Variants in RNF150 observed in about 807,000 individuals in gnomAD.
The protein encoded by RNF150 is ring finger protein 150.
In RNF150, 24 loss-of-function variants were observed where a neutral mutation model predicts 39.3. The ratio of observed to expected loss-of-function variants is 0.61; its 90% CI spans 0.44 to 0.86. The LOEUF is 0.86. Ranked by LOEUF, RNF150 falls within the 40% of genes least tolerant of loss-of-function variation. The pLI is 0.00. For synonymous variants in RNF150, 255 were observed against 227.3 expected (o/e 1.12, Z -1.10); for missense variants, 502 against 587.8 (o/e 0.85, Z 1.51).
chr4:140,949,204 C>T (rs1319281282), intron 3 of RNF150, 97 bp downstream of exon 3: 12 of 820,440 alleles, frequency 1.5e-5, no homozygotes, highest in Admixed American at 7.0e-5. Flanking sequence ...CATATATTTC[C>T]CTTTCCCATC....
At chr4:140,882,036 T>G (rs1453640888) in intron 6 of RNF150, among the ~76,000 whole-genome samples, 1 of 152,162 alleles carries the variant, frequency 6.6e-6, no homozygotes, top group Non-Finnish European at 1.5e-5. Context: ...ATTTTTATTT[T>G]TGAGATGGAG....
At chr4:140,981,616 T>A (rs1733862425) in intron 1 of RNF150, among the ~76,000 whole-genome samples, 3 of 152,088 alleles carry the variant, frequency 2.0e-5, no homozygotes, top group Admixed American at 6.6e-5. Context: ...AAATAATGTG[T>A]TTGGGGTAAC....
chr4:141,000,174 C>T (rs1734616124), intron 1 of RNF150, among the ~76,000 whole-genome samples: 1 of 151,882 alleles, frequency 6.6e-6, no homozygotes, highest in South Asian at 2.1e-4. Flanking sequence ...AAAGAAAGAG[C>T]TTTATCAGTT....
intron 1 of RNF150, among the ~76,000 whole-genome samples, chr4:141,116,757 T>C (rs866676725): frequency 6.6e-6 from 1 of 152,168 alleles, no homozygotes; most frequent in Non-Finnish European, 1.5e-5. Flanking sequence ...CTATCAATGA[T>C]AGACTGGATA....
At chr4:140,916,592 A>G (rs1730841227) in intron 5 of RNF150, among the ~76,000 whole-genome samples, 1 of 152,228 alleles carries the variant, frequency 6.6e-6, no homozygotes, top group African/African-American at 2.4e-5. Context: ...TGACGGGGAG[A>G]ATGGAATCAA....
chr4:141,100,146 C>A (rs1311642654), intron 1 of RNF150, among the ~76,000 whole-genome samples: 1 of 152,168 alleles, frequency 6.6e-6, no homozygotes, highest in African/African-American at 2.4e-5. Context: ...ACTAGGAGTT[C>A]CCACTTGATA....
At chr4:140,895,296 C>A (rs1339168333) in intron 6 of RNF150, among the ~76,000 whole-genome samples, 4 of 152,080 alleles carry the variant, frequency 2.6e-5, no homozygotes, top group Admixed American at 1.3e-4. Context: ...CAGGGTTTCT[C>A]TAAGGGGAAG....
chr4:141,174,878 C>T (rs1284721758), intron 1 of RNF150, among the ~76,000 whole-genome samples: 2 of 137,438 alleles, frequency 1.5e-5, no homozygotes, highest in East Asian at 4.0e-4. Flanking sequence ...ACCTGGAATC[C>T]TGTATCAGGA....
At chr4:140,997,690 GTGTGTGTATATATA>G (rs1734428148) in intron 1 of RNF150, among the ~76,000 whole-genome samples, 2 of 139,670 alleles carry the variant, frequency 1.4e-5, no homozygotes, top group African/African-American at 2.7e-5. Flanking sequence ...ACTCCAGCCT[GTGTGTGTATATATA>G]CACACACATA....
intron 6 of RNF150, among the ~76,000 whole-genome samples, chr4:140,877,957 T>G (rs1439158476): frequency 6.6e-6 from 1 of 152,152 alleles, no homozygotes; most frequent in Admixed American, 6.5e-5. Context: ...TGGTTTGACT[T>G]GCCTGTGGCT....
intron 6 of RNF150, among the ~76,000 whole-genome samples, chr4:140,894,815 T>G (rs552229800): frequency 1.3e-5 from 2 of 152,332 alleles, no homozygotes; most frequent in South Asian, 4.1e-4. Context: ...CCTGAGACTA[T>G]GTCGGCAGTT....
intron 1 of RNF150, among the ~76,000 whole-genome samples, chr4:140,991,419 C>T (rs1579033054): frequency 6.6e-6 from 1 of 151,918 alleles, no homozygotes; most frequent in Non-Finnish European, 1.5e-5. Flanking sequence ...GAAATCTTTG[C>T]CTGTGCCTAT....
chr4:141,045,253 C>A (rs1357505756), intron 1 of RNF150, among the ~76,000 whole-genome samples: 1 of 152,184 alleles, frequency 6.6e-6, no homozygotes, highest in Non-Finnish European at 1.5e-5. Context: ...TCATGCCAAC[C>A]CCTTCACTCT....
In RNF150 at chr4:140,935,422, T is replaced by C. The variant is rs148966934; in HGVS notation, c.891-9349A>G. On this transcript the variant is annotated intron_variant, in intron 4 of 6. Coordinates refer to ENST00000515673, the MANE Select transcript of RNF150 (RefSeq NM_020724.2). ...GGGCAGCAAAGCTAGTTGGCATTCA[T>C]CCCGTGTGTCTACTTGATTAATATA... is the stretch of plus-strand genomic sequence containing the variant. 2.1e-3 allele frequency among the ~76,000 whole-genome samples: 312 copies of C among 152,122 alleles called. 1 individual carries two copies. The highest frequency in any genetic ancestry group is 7.2e-3 in the African/African-American group (297 of 41,500).
intron 1 of RNF150, among the ~76,000 whole-genome samples, chr4:141,087,533 C>T (rs1738413542): frequency 6.6e-6 from 1 of 152,012 alleles, no homozygotes; most frequent in Non-Finnish European, 1.5e-5. Context: ...TCTCTTTTTC[C>T]CCCATTTCTT....
At chr4:140,908,561 C>T (rs1730478108) in intron 6 of RNF150, among the ~76,000 whole-genome samples, 2 of 152,198 alleles carry the variant, frequency 1.3e-5, no homozygotes, top group South Asian at 2.1e-4. Flanking sequence ...TTCTTTTCTT[C>T]TGTTATGAAC....
chr4:141,200,304 C>G (rs1007703080), intron 1 of RNF150, among the ~76,000 whole-genome samples: 2 of 149,310 alleles, frequency 1.3e-5, no homozygotes, highest in African/African-American at 4.9e-5. Flanking sequence ...GGCACTAATC[C>G]CATTGATGAG....
intron 1 of RNF150, among the ~76,000 whole-genome samples, chr4:141,092,465 G>C (rs116145727): frequency 6.6e-6 from 1 of 151,924 alleles, no homozygotes. Context: ...AAATCCTTTG[G>C]TATTAGGTAC....
chr4:141,062,976 C>T (rs1737298239), intron 1 of RNF150, among the ~76,000 whole-genome samples: 1 of 152,114 alleles, frequency 6.6e-6, no homozygotes, highest in Admixed American at 6.5e-5. Flanking sequence ...TGATGGCATC[C>T]ATGTTGATGC....
Sources: allele counts gnomAD v4.1 joint callset (sites outside exome capture counted in the v4.1 genomes callset), GRCh38; gene constraint gnomAD v4.1.1; transcripts MANE v1.5; gene names NCBI Gene and HGNC (gene_info 2026-07-23, HGNC 2026-07-21).